Variants in PISD observed in about 807,000 individuals in gnomAD.
The protein encoded by PISD is phosphatidylserine decarboxylase, also known as phosphatidylserine decarboxylase proenzyme, mitochondrial.
A neutral mutation model predicts 43.5 loss-of-function variants in PISD; 31 were observed. The ratio of observed to expected loss-of-function variants is 0.71; its 90% CI spans 0.54 to 0.96. PISD has a LOEUF of 0.96. Ranked by LOEUF, PISD falls within the 40% of genes least tolerant of loss-of-function variation. The probability of loss-of-function intolerance (pLI) is 0.00; values close to 1 mark genes in which losing one functional copy is unlikely to be tolerated. For missense variants in PISD, 523 were observed against 548.4 expected, an observed-to-expected ratio of 0.95 and a Z score of 0.46; for synonymous variants, 259 against 228.7, an observed-to-expected ratio of 1.13 and a Z score of -1.20.
At chr22:31,623,595 A>G (rs2072702135) in intron 3 of PISD, 2 of 1,290,482 alleles carry the variant, frequency 1.5e-6, no homozygotes, top group African/African-American at 1.5e-5. Context: ...TGCTTCTGAC[A>G]GCTCGCCACC....
intron 1 of PISD, among the ~76,000 whole-genome samples, chr22:31,655,339 G>A (rs2074142314): frequency 6.7e-6 from 1 of 149,402 alleles, no homozygotes; most frequent in Admixed American, 6.7e-5. Flanking sequence ...TCCCAGAGAT[G>A]GGGTCTCGCT....
At chr22:31,657,520 T>C (rs1387814849) in intron 1 of PISD, among the ~76,000 whole-genome samples, 1 of 151,328 alleles carries the variant, frequency 6.6e-6, no homozygotes, top group Non-Finnish European at 1.5e-5. Context: ...GTCTTATTCA[T>C]TTTATTTTAT....
chr22:31,661,162 T>G (rs1202214929), intron 1 of PISD, among the ~76,000 whole-genome samples: 2 of 152,236 alleles, frequency 1.3e-5, no homozygotes, highest in African/African-American at 2.4e-5. Context: ...TCCTGAGAGA[T>G]AATCATTTCT....
At chr22:31,634,834 C>A (rs1328788129) in intron 3 of PISD, among the ~76,000 whole-genome samples, 292 of 80,956 alleles carry the variant, frequency 3.6e-3, no homozygotes, top group South Asian at 8.4e-3. Context: ...GACTCCATCT[C>A]AAAAAAAAAA....
chr22:31,620,433 C>G, intron 7 of PISD, 120 bp downstream of exon 7: 1 of 990,990 alleles, frequency 1.0e-6, no homozygotes, highest in South Asian at 1.6e-5. Context: ...AGAGCCAGGC[C>G]TGACCAGAGC....
rs991624263 is a variant in PISD, at chr22:31,619,287, A to G, written c.*325T>C. ...CAAGAAAAAACGACAACCGAGACCAACTGAAGGTTCGGTCAGGAATGCAGG... is the reference window on the plus strand; with the variant it reads ...CAAGAAAAAACGACAACCGAGACCAGCTGAAGGTTCGGTCAGGAATGCAGG... On this transcript the variant is annotated 3_prime_UTR_variant, in exon 8 of 8. Transcript: ENST00000439502. 5.5e-6 allele frequency: 2 copies of G among 362,578 alleles called. No individual in the cohort carries two copies. The highest frequency in any genetic ancestry group is 4.0e-5 in the Admixed American group (1 of 25,200). 22.5% of individuals were successfully genotyped at this position (362,578 alleles called of 1,614,324 possible).
intron 3 of PISD, among the ~76,000 whole-genome samples, chr22:31,637,160 AAAAAATATATATATATAT>A (rs1337534519): frequency 9.4e-3 from 218 of 23,294 alleles, no homozygotes; most frequent in East Asian, 0.027. Flanking sequence ...AAAAAAAAAA[AAAAAATATATATATATAT>A]ATATATATAT....
At chr22:31,648,024 C>T in intron 3 of PISD, 77 bp downstream of exon 3, 1 of 1,309,444 alleles carries the variant, frequency 7.6e-7, no homozygotes. Context: ...TCAAACATTT[C>T]AACTTTGGAA....
At chr22:31,627,964 CTAAG>C (rs71772171) in intron 3 of PISD, 87,266 of 947,722 alleles carry the variant, frequency 0.092, 4,827 homozygotes, top group East Asian at 0.37. Flanking sequence ...CCTGGAGAGA[CTAAG>C]AACCATCCTG....
chr22:31,651,434 C>T (rs1426586534), intron 1 of PISD, among the ~76,000 whole-genome samples: 1 of 152,160 alleles, frequency 6.6e-6, no homozygotes, highest in Non-Finnish European at 1.5e-5. Flanking sequence ...TTTGGGAATT[C>T]TATGTACTAT....
intron 7 of PISD, among the ~76,000 whole-genome samples, chr22:31,620,121 C>G (rs929067124): frequency 2.0e-5 from 3 of 152,208 alleles, no homozygotes; most frequent in African/African-American, 7.2e-5. Context: ...CCGTGGGAGC[C>G]AAGGCCGTTG....
At chr22:31,656,416 C>A (rs2062791559) in intron 1 of PISD, among the ~76,000 whole-genome samples, 1 of 151,718 alleles carries the variant, frequency 6.6e-6, no homozygotes, top group African/African-American at 2.4e-5. Context: ...GTTGGAAGGC[C>A]AAGGTGGGCA....
At position 31,662,190 on chromosome 22, in the gene PISD, G is replaced by GC. The variant is rs2074341265; in HGVS notation, c.18dup (p.His7AlafsTer21). 11 of 1,605,230 alleles carry GC rather than the reference G, an allele frequency of 6.9e-6. No homozygotes were observed. Among genetic ancestry groups the GC allele is most frequent in the East Asian group, 2.2e-5 (1 of 44,884 alleles). On this transcript the variant is annotated frameshift_variant, in exon 1 of 8. Transcript: ENST00000439502. LOFTEE classifies it high-confidence loss of function. ...CCGTGCAGTAATCCCAGACATCGGT[G>GC]CCCCACGGACGTCGCCATCTTGTCT...
At chr22:31,621,919 AC>A in intron 3 of PISD, 34 bp from the exon 4 acceptor site, 2 of 1,496,882 alleles carry the variant, frequency 1.3e-6, no homozygotes, top group Non-Finnish European at 1.8e-6. Flanking sequence ...TGAGTTGACC[AC>A]ACTGCCCCAG....
At position 31,619,692 on chromosome 22, in the gene PISD, A is replaced by AGAT. The variant is rs755856964; in HGVS notation, c.1147_1149dup (p.Ile383dup). 3.1e-6 allele frequency: 5 copies of AGAT among 1,614,120 alleles called. No individual in the cohort carries two copies. The highest frequency in any genetic ancestry group is 2.7e-5 in the African/African-American group (2 of 74,950). ...AAATTGAAGTCCTTGGGGGCCTCGA[A>AGAT]GATGAGCACGATGGTGGAGCCCAGG... On this transcript the variant is annotated inframe_insertion, in exon 8 of 8. Transcript: ENST00000439502.
At position 31,625,590 on chromosome 22, in the gene PISD, G is replaced by T. The variant is rs535299056; in HGVS notation, c.322-3705C>A. The T allele has an allele frequency of 2.9e-5, 21 of 722,792 alleles. No individual in the cohort carries two copies. The South Asian group carries it at 3.5e-4, about 12-fold the overall frequency. 44.8% of individuals were successfully genotyped at this position (722,792 alleles called of 1,614,324 possible). ...TTGGAACCAAAGATACCTGAAGCGG[G>T]CTCTCCGACTCAGGGTGCTCAGGCC... On this transcript the variant is annotated intron_variant, in intron 3 of 7. Transcript: ENST00000439502.
At position 31,662,044 on chromosome 22, in the gene PISD, C is replaced by G. The variant is rs545606689; in HGVS notation, c.65+100G>C. On this transcript the variant is annotated intron_variant, in intron 1 of 7. Coordinates refer to ENST00000439502, the MANE Select transcript of PISD (RefSeq NM_001326411.2). The stretch of plus-strand genomic sequence containing the variant: ...AGGTGGCTCCGTCTCCACCCGAGCT[C>G]GCCTCAGAGCGAGCCCGCGACACAG... The G allele has an allele frequency of 2.7e-4, 293 of 1,097,676 alleles. 4 individuals carry two copies. The South Asian group carries it at 3.0e-3, about 11-fold the overall frequency. The allele number at this position is 1,097,676 out of a possible 1,614,324, so 68.0% of individuals were successfully genotyped here. A position where few individuals can be genotyped will look rare whatever the true frequency, so the allele number is the denominator to read the frequency against.
rs761669619 is a variant in PISD at position 31,648,156 on chromosome 22, C to T, written c.266G>A (p.Arg89Gln). Reference sequence around the variant, plus strand: ...CTCCAATCCCAGCTTCTCCAGCTCTCGCTCCCTGTACTTCTCATACTGCCG... The same window carrying T: ...CTCCAATCCCAGCTTCTCCAGCTCTTGCTCCCTGTACTTCTCATACTGCCG... ...GYRQYEKYRE[R>Q]ELEKLGLEIP... Residue 89 changes from arginine (R) to glutamine (Q), a missense_variant, in exon 3 of 8, where the codon CGA becomes CAA. Transcript: ENST00000439502. 10 of 1,612,402 alleles carry T rather than the reference C, an allele frequency of 6.2e-6. No individual in the cohort carries two copies. Among genetic ancestry groups the T allele is most frequent in the East Asian group, 4.5e-5 (2 of 44,876 alleles).
At chr22:31,661,993 C>G (rs1682320982) in intron 1 of PISD, 151 bp downstream of exon 1, 4 of 693,120 alleles carry the variant, frequency 5.8e-6, no homozygotes, top group Non-Finnish European at 1.0e-5. Flanking sequence ...CAGGAGCAGT[C>G]GCACCTGCTC....
Sources: gnomAD v4.1 joint callset for allele counts (sites outside exome capture counted in the v4.1 genomes callset) on GRCh38, gnomAD v4.1.1 for gene constraint, MANE v1.5 for transcripts, NCBI Gene and HGNC (gene_info 2026-07-23, HGNC 2026-07-21) for gene names.